Variants in RGS6 observed in about 807,000 individuals in gnomAD.
RGS6 encodes regulator of G-protein signaling 6.
In RGS6, 30 loss-of-function variants were observed where a neutral mutation model predicts 78.5. The ratio of observed to expected loss-of-function variants is 0.38; its 90% confidence interval spans 0.29 to 0.52. RGS6 has a LOEUF of 0.52. RGS6 is among the 20% of genes least tolerant of loss of function. The pLI, the probability that RGS6 is intolerant of heterozygous loss-of-function variation, is 0.85. For missense variants in RGS6, 495 were observed against 609.7 expected, an observed-to-expected ratio of 0.81 and a Z score of 1.98; for synonymous variants, 206 against 206.0, an observed-to-expected ratio of 1.00 and a Z score of 0.00.
chr14:72,535,488 A>G (rs1298168169), intron 15 of RGS6, among the ~76,000 whole-genome samples: 6 of 152,192 alleles, frequency 3.9e-5, no homozygotes, highest in Non-Finnish European at 8.8e-5. Context: ...ATCTTGCAAA[A>G]CTATAGTACC....
chr14:72,548,610 T>G (rs575935970), intron 17 of RGS6, among the ~76,000 whole-genome samples: 1 of 152,066 alleles, frequency 6.6e-6, no homozygotes, highest in Non-Finnish European at 1.5e-5. Context: ...GCCCCCACAT[T>G]ATCAGGAACT....
intron 2 of RGS6, among the ~76,000 whole-genome samples, chr14:72,018,746 T>C (rs1276670967): frequency 6.6e-6 from 1 of 152,164 alleles, no homozygotes; most frequent in East Asian, 1.9e-4. Context: ...TCTAAATGCC[T>C]ACTCCCCCTG....
At chr14:72,446,705 G>T (rs1265506437) in intron 3 of RGS6, among the ~76,000 whole-genome samples, 2 of 152,212 alleles carry the variant, frequency 1.3e-5, no homozygotes, top group Non-Finnish European at 2.9e-5. Flanking sequence ...ATTAGTGGGA[G>T]CCCTGAGCTT....
chr14:72,004,976 T>C (rs2084233622), intron 2 of RGS6, among the ~76,000 whole-genome samples: 1 of 152,196 alleles, frequency 6.6e-6, no homozygotes, highest in African/African-American at 2.4e-5. Flanking sequence ...AAAAAGCGAA[T>C]GCCTTTTGAC....
At chr14:72,200,413 C>T (rs1229712321) in intron 2 of RGS6, among the ~76,000 whole-genome samples, 1 of 152,220 alleles carries the variant, frequency 6.6e-6, no homozygotes, top group East Asian at 1.9e-4. Flanking sequence ...GCTCTGATAT[C>T]TCACTTTTAC....
chr14:72,482,369 C>A (rs911734630), intron 12 of RGS6, among the ~76,000 whole-genome samples: 1 of 152,204 alleles, frequency 6.6e-6, no homozygotes, highest in African/African-American at 2.4e-5. Context: ...TCTCTACTAA[C>A]CCTTCCCCCC....
At chr14:72,466,614 G>T (rs1194011338) in intron 7 of RGS6, among the ~76,000 whole-genome samples, 2 of 152,170 alleles carry the variant, frequency 1.3e-5, no homozygotes, top group Non-Finnish European at 2.9e-5. Flanking sequence ...ACATTATGTT[G>T]GGTGAAAGAA....
At chr14:72,328,164 A>G (rs779603498) in intron 2 of RGS6, among the ~76,000 whole-genome samples, 22 of 152,266 alleles carry the variant, frequency 1.4e-4, no homozygotes, top group Admixed American at 5.9e-4. Context: ...TGAACCCTCA[A>G]TGGATTGGAA....
intron 2 of RGS6, among the ~76,000 whole-genome samples, chr14:72,115,599 C>T (rs886717116): frequency 6.6e-6 from 1 of 152,132 alleles, no homozygotes; most frequent in African/African-American, 2.4e-5. Context: ...CTTCCTGCCC[C>T]CTCAGCCTGC....
rs534196562 is a variant in RGS6, at chr14:72,346,662, C to A, written c.85-5433C>A. Among the ~76,000 whole-genome samples, 5 of 152,292 alleles carry A rather than the reference C, an allele frequency of 3.3e-5. No homozygotes were observed. The East Asian group carries it at 9.7e-4, about 29-fold the overall frequency. On this transcript the variant is annotated intron_variant, in intron 2 of 17. Transcript: ENST00000553525. ...AGAATGAGAAACCTCTGTTAAGCAA[C>A]CAGGCCTATCACTGTAGGGATGAGA... is the stretch of plus-strand genomic sequence containing the variant.
In RGS6 at chr14:72,504,967, G is replaced by A. The variant is rs564213677; in HGVS notation, c.966-5187G>A. On this transcript the variant is annotated intron_variant, in intron 13 of 17. Transcript: ENST00000553525. Reference sequence around the variant, plus strand: ...TTTTTTTTGTATTTTTAGTAGAGACGGAGTTTTGCCATGTTGTCCAGGCTG... The same window carrying A: ...TTTTTTTTGTATTTTTAGTAGAGACAGAGTTTTGCCATGTTGTCCAGGCTG... Among the ~76,000 whole-genome samples the A allele has an allele frequency of 2.4e-3, 305 of 124,688 alleles. 2 individuals carry two copies. The highest frequency in any genetic ancestry group is 9.0e-3 in the African/African-American group (292 of 32,360). The allele number at this position is 124,688 out of a possible 152,430, so 81.8% of individuals were successfully genotyped here.
At chr14:72,177,903 G>A (rs1334242059) in intron 2 of RGS6, among the ~76,000 whole-genome samples, 6 of 152,186 alleles carry the variant, frequency 3.9e-5, no homozygotes, top group Admixed American at 3.3e-4. Flanking sequence ...TGTGTTCTTA[G>A]GCTTTTCCTT....
At chr14:72,232,483 G>T (rs1363273296) in intron 2 of RGS6, among the ~76,000 whole-genome samples, 1 of 152,186 alleles carries the variant, frequency 6.6e-6, no homozygotes, top group Non-Finnish European at 1.5e-5. Context: ...TCCCACCTCA[G>T]ATCTTTATTT....
intron 2 of RGS6, among the ~76,000 whole-genome samples, chr14:72,063,145 G>T (rs1393208401): frequency 6.6e-6 from 1 of 152,140 alleles, no homozygotes; most frequent in East Asian, 1.9e-4. Context: ...TTGAGGAAAG[G>T]AGGGTACCGA....
the RGS6 span, among the ~76,000 whole-genome samples, chr14:72,576,419 G>A: frequency 1.3e-5 from 2 of 152,174 alleles, no homozygotes; most frequent in Non-Finnish European, 2.9e-5. Context: ...GTAGCAAAGG[G>A]ATCCAGGTTT....
intron 3 of RGS6, among the ~76,000 whole-genome samples, chr14:72,391,601 ATG>A (rs1321148080): frequency 2.6e-5 from 4 of 152,218 alleles, no homozygotes; most frequent in African/African-American, 9.6e-5. Context: ...TGTTACATAT[ATG>A]TATATACACA....
the RGS6 span, among the ~76,000 whole-genome samples, chr14:71,924,106 G>A: frequency 6.6e-6 from 1 of 151,654 alleles, no homozygotes; most frequent in South Asian, 2.1e-4. Context: ...GTGCAGTGGT[G>A]CAATCATGGC....
At chr14:71,965,026 A>C (rs1344647008) in intron 2 of RGS6, 151 bp downstream of exon 2, 1 of 517,936 alleles carries the variant, frequency 1.9e-6, no homozygotes, top group Non-Finnish European at 3.3e-6. Context: ...CTAGTTCTAA[A>C]ATTCAAGGAA....
At chr14:72,282,928 T>C (rs928943677) in intron 2 of RGS6, among the ~76,000 whole-genome samples, 1 of 152,162 alleles carries the variant, frequency 6.6e-6, no homozygotes, top group Non-Finnish European at 1.5e-5. Context: ...AATAACTCCC[T>C]ATCTCTCCCT....
Sources: gnomAD v4.1 joint callset for allele counts (sites outside exome capture counted in the v4.1 genomes callset) on GRCh38, gnomAD v4.1.1 for gene constraint, MANE v1.5 for transcripts, NCBI Gene and HGNC (gene_info 2026-07-23, HGNC 2026-07-21) for gene names.